The following LANCL3 variants were observed in gnomAD, a reference collection of about 807,000 sequenced individuals.
LANCL3 encodes the protein lanC-like protein 3.
LANCL3 carries 19 observed loss-of-function variants against 26.5 expected under a neutral mutation model. The ratio of observed to expected loss-of-function variants is 0.72; its 90% CI spans 0.50 to 1.05. The LOEUF (loss-of-function observed/expected upper bound fraction) is 1.05, where lower values mean the gene tolerates loss of function less well. Ranked by LOEUF, LANCL3 falls within the 50% of genes least tolerant of loss-of-function variation. The pLI, the probability that LANCL3 is intolerant of heterozygous loss-of-function variation, is 0.00. For synonymous variants in LANCL3, 160 were observed against 166.6 expected (o/e 0.96, Z 0.30); for missense variants, 318 against 362.7 (o/e 0.88, Z 1.00).
chrX:37,632,170 G>A (rs1429161119), intron 1 of LANCL3, among the ~76,000 whole-genome samples: 1 of 112,118 alleles, frequency 8.9e-6, no homozygotes, highest in Non-Finnish European at 1.9e-5. Context: ...AGGATAGTTA[G>A]CTCTTCTTGT....
chrX:37,620,016 C>G (rs1216616229), intron 1 of LANCL3, among the ~76,000 whole-genome samples: 1 of 112,339 alleles, frequency 8.9e-6, no homozygotes, highest in African/African-American at 3.2e-5. Flanking sequence ...TACTGTCATT[C>G]CTACCTAGAA....
At chrX:37,573,554 G>A (rs1471756484) in intron 1 of LANCL3, among the ~76,000 whole-genome samples, 4 of 111,517 alleles carry the variant, frequency 3.6e-5, no homozygotes, top group African/African-American at 1.3e-4. Context: ...TGTTAGCTGG[G>A]CAGCAAAGGT....
intron 2 of LANCL3, among the ~76,000 whole-genome samples, chrX:37,657,407 G>T (rs1926310928): frequency 9.0e-6 from 1 of 111,640 alleles, no homozygotes; most frequent in African/African-American, 3.3e-5. Flanking sequence ...CTGTCACCCA[G>T]GCTGGAGTGC....
chrX:37,591,993 A>C (rs3126470), intron 1 of LANCL3, among the ~76,000 whole-genome samples: 2 of 110,743 alleles, frequency 1.8e-5, no homozygotes, highest in Admixed American at 9.6e-5. Context: ...GATTGAATTA[A>C]AGAAACTCAG....
chrX:37,655,781 A>T lies in LANCL3; in HGVS notation c.667A>T (p.Met223Leu), dbSNP rs1466725482. 5.8e-6 allele frequency: 7 copies of T among 1,204,489 alleles called. No individual in the cohort carries two copies. Among genetic ancestry groups the T allele is most frequent in the Non-Finnish European group, 7.9e-6 (7 of 891,304 alleles). Residue 223 changes from methionine (M) to leucine (L), a missense_variant, in exon 2 of 5, where the codon ATG becomes TTG. Physicochemically the swap from Met to Leu is conservative, Grantham distance 15. Coordinates refer to ENST00000378619, the MANE Select transcript of LANCL3 (RefSeq NM_001170331.2). ...AIKKRKPFPL[M>L]YSYYGTEYLG... ...AAAGAAGAGGAAACCATTCCCCCTG[A>T]TGTATTCTTACTATGGAACCGAATA...
intron 1 of LANCL3, among the ~76,000 whole-genome samples, chrX:37,649,105 T>C (rs1926061199): frequency 8.9e-6 from 1 of 111,842 alleles, no homozygotes; most frequent in Non-Finnish European, 1.9e-5. Flanking sequence ...CATTACTGGG[T>C]ATATACCCAA....
chrX:37,655,695 C>G lies in LANCL3; in HGVS notation c.581C>G (p.Thr194Ser). The G allele has an allele frequency of 8.3e-7, 1 of 1,205,704 alleles. No individual in the cohort carries two copies. The highest frequency in any genetic ancestry group is 1.1e-6 in the Non-Finnish European group (1 of 891,847). Residue 194 changes from threonine (T) to serine (S), a missense_variant, in exon 2 of 5, where the codon ACT becomes AGT. Thr to Ser is a moderately conservative substitution (Grantham distance 58, BLOSUM62 1). Coordinates refer to ENST00000378619, the MANE Select transcript of LANCL3 (RefSeq NM_001170331.2). ...CTGGATTTCCTTATTCAGGTGCTGA[C>G]TCCAGCACAGATCAAGTCAATTTGT... ...LKQKLAQEVLTPAQIKSICQA... is the reference protein window; with the variant it reads ...LKQKLAQEVLSPAQIKSICQA...
At chrX:37,626,728 T>C (rs1458313561) in intron 1 of LANCL3, among the ~76,000 whole-genome samples, 2 of 111,965 alleles carry the variant, frequency 1.8e-5, no homozygotes, top group African/African-American at 6.5e-5. Flanking sequence ...GCTGCATTGC[T>C]AGACTGCCTT....
chrX:37,652,408 A>T lies in LANCL3; in HGVS notation c.574-3280A>T, dbSNP rs546158109. On this transcript the variant is annotated intron_variant, in intron 1 of 4. Coordinates refer to ENST00000378619, the MANE Select transcript of LANCL3 (RefSeq NM_001170331.2). ...AGCTTTATTGCCCTCTTGTCTCTTCATACTCAGGCCAAACCAATAGGAATA... is the reference window on the plus strand; with the variant it reads ...AGCTTTATTGCCCTCTTGTCTCTTCTTACTCAGGCCAAACCAATAGGAATA... Among the ~76,000 whole-genome samples, 10 of 111,786 alleles carry T rather than the reference A, an allele frequency of 8.9e-5. No homozygotes were observed. In the South Asian group the frequency reaches 3.4e-3, roughly 38 times the overall value.
chrX:37,579,426 A>G (rs1398275921), intron 1 of LANCL3, among the ~76,000 whole-genome samples: 1 of 111,869 alleles, frequency 8.9e-6, no homozygotes, highest in Non-Finnish European at 1.9e-5. Flanking sequence ...TACCTGAGAC[A>G]CTTACTAAGT....
chrX:37,653,551 T>A (rs1232930159), intron 1 of LANCL3, among the ~76,000 whole-genome samples: 1 of 112,283 alleles, frequency 8.9e-6, no homozygotes, highest in Non-Finnish European at 1.9e-5. Context: ...TGCATGCCCT[T>A]CAGGGCTTTT....
intron 1 of LANCL3, among the ~76,000 whole-genome samples, chrX:37,644,811 T>G (rs1037976477): frequency 2.2e-4 from 25 of 112,569 alleles, no homozygotes; most frequent in African/African-American, 8.1e-4. Flanking sequence ...TTGACACTCT[T>G]TGTAATAACG....
At chrX:37,674,824 T>C (rs1321458926) in intron 4 of LANCL3, among the ~76,000 whole-genome samples, 1 of 111,273 alleles carries the variant, frequency 9.0e-6, no homozygotes, top group East Asian at 2.8e-4. Context: ...TATCAGCGCT[T>C]GGGCCTTACC....
chrX:37,630,567 G>A (rs1925465380), intron 1 of LANCL3, among the ~76,000 whole-genome samples: 1 of 108,687 alleles, frequency 9.2e-6, no homozygotes, highest in Admixed American at 9.9e-5. Flanking sequence ...TGCCCATTCA[G>A]TATGATATTG....
chrX:37,572,484 G>T, intron 1 of LANCL3, 41 bp downstream of exon 1: 1 of 1,098,526 alleles, frequency 9.1e-7, no homozygotes, highest in Non-Finnish European at 1.2e-6. Flanking sequence ...CTCGCCGCCT[G>T]CCCGGCCTCC....
chrX:37,591,436 C>T (rs1403524137), intron 1 of LANCL3, among the ~76,000 whole-genome samples: 1 of 111,349 alleles, frequency 9.0e-6, no homozygotes, highest in African/African-American at 3.3e-5. Context: ...AGTGGTTAGA[C>T]TCCCAGATAC....
intron 1 of LANCL3, among the ~76,000 whole-genome samples, chrX:37,622,456 C>T (rs782169065): frequency 3.7e-5 from 4 of 109,531 alleles, no homozygotes; most frequent in Non-Finnish European, 5.7e-5. Context: ...AGAAATCCTA[C>T]ACTGAAAAAA....
intron 1 of LANCL3, among the ~76,000 whole-genome samples, chrX:37,655,130 G>A (rs1433889206): frequency 8.9e-6 from 1 of 112,703 alleles, no homozygotes; most frequent in African/African-American, 3.2e-5. Context: ...TTTGATATTA[G>A]AAGTTATTTT....
In LANCL3 at chrX:37,678,985, C is replaced by T. The variant is rs1556438151; in HGVS notation, c.*3172C>T. The T allele has an allele frequency of 9.0e-6, 1 of 111,589 alleles. No homozygotes were observed. The highest frequency in any genetic ancestry group is 3.3e-5 in the African/African-American group (1 of 30,731). 9.2% of individuals were successfully genotyped at this position (111,589 alleles called of 1,213,427 possible). ...AACAAATGGGTTTGTGATTTCTAGCCATGTTAAATGAACACACAATTAAAA... is the reference window on the plus strand; with the variant it reads ...AACAAATGGGTTTGTGATTTCTAGCTATGTTAAATGAACACACAATTAAAA... On this transcript the variant is annotated 3_prime_UTR_variant, in exon 5 of 5. Coordinates refer to ENST00000378619, the MANE Select transcript of LANCL3 (RefSeq NM_001170331.2).
Sources: gnomAD v4.1 joint callset for allele counts (sites outside exome capture counted in the v4.1 genomes callset) on GRCh38, gnomAD v4.1.1 for gene constraint, MANE v1.5 for transcripts, NCBI Gene and HGNC (gene_info 2026-07-23, HGNC 2026-07-21) for gene names.